NCALD: variants seen among roughly 807,000 people sequenced by gnomAD.
The protein encoded by NCALD is neurocalcin-delta.
A neutral mutation model predicts 18.6 loss-of-function variants in NCALD; 10 were observed. The observed-to-expected ratio is 0.54, with a 90% CI of 0.33 to 0.91. The LOEUF (loss-of-function observed/expected upper bound fraction) is 0.91, where lower values mean the gene tolerates loss of function less well. Ranked by LOEUF, NCALD falls within the 40% of genes least tolerant of loss-of-function variation. The probability of loss-of-function intolerance (pLI) is 0.03; values close to 1 mark genes in which losing one functional copy is unlikely to be tolerated. For missense variants in NCALD, 184 were observed against 247.6 expected, an observed-to-expected ratio of 0.74 and a Z score of 1.72; for synonymous variants, 88 against 87.4, an observed-to-expected ratio of 1.01 and a Z score of -0.04.
intron 1 of NCALD, among the ~76,000 whole-genome samples, chr8:102,073,035 T>G (rs1460625617): frequency 3.9e-5 from 6 of 152,354 alleles, no homozygotes; most frequent in South Asian, 2.1e-4. Flanking sequence ...TAAATATGTA[T>G]GTAGAAAGAT....
intron 1 of NCALD, among the ~76,000 whole-genome samples, chr8:102,115,592 G>A (rs115204635): frequency 0.024 from 3,582 of 152,242 alleles, 155 homozygotes; most frequent in African/African-American, 0.082. Context: ...TGCCTTATGT[G>A]CCCGATGTAC....
chr8:101,934,745 C>T (rs1458986226), intron 2 of NCALD, among the ~76,000 whole-genome samples: 2 of 152,072 alleles, frequency 1.3e-5, no homozygotes, highest in African/African-American at 4.8e-5. Flanking sequence ...GCGTGCTGCA[C>T]TTTCAAGTAC....
At chr8:101,989,597 A>G (rs778315449) in intron 2 of NCALD, among the ~76,000 whole-genome samples, 1 of 152,210 alleles carries the variant, frequency 6.6e-6, no homozygotes, top group Non-Finnish European at 1.5e-5. Flanking sequence ...CTAATCCTGG[A>G]GCTGTCCATA....
At chr8:101,742,417 C>T (rs1209026008) in intron 1 of NCALD, among the ~76,000 whole-genome samples, 5 of 152,140 alleles carry the variant, frequency 3.3e-5, no homozygotes, top group Admixed American at 2.6e-4. Flanking sequence ...ATACAGAGCA[C>T]TATGCTAATC....
intron 3 of NCALD, among the ~76,000 whole-genome samples, chr8:101,911,609 G>A (rs1008102053): frequency 6.6e-6 from 1 of 151,938 alleles, no homozygotes; most frequent in South Asian, 2.1e-4. Context: ...CTGCCACCTC[G>A]GCCTCCCAAA....
At chr8:101,927,887 C>A (rs1458500319) in intron 2 of NCALD, among the ~76,000 whole-genome samples, 1 of 152,132 alleles carries the variant, frequency 6.6e-6, no homozygotes, top group East Asian at 1.9e-4. Context: ...ATTCTCAGTG[C>A]AACCTGTTCT....
chr8:102,008,917 T>A (rs920621471), intron 2 of NCALD, among the ~76,000 whole-genome samples: 4 of 38,538 alleles, frequency 1.0e-4, no homozygotes, highest in African/African-American at 1.3e-4. Context: ...CCCGCCCCCC[T>A]ACACACACAC....
intron 1 of NCALD, among the ~76,000 whole-genome samples, chr8:102,117,132 C>A (rs1340600088): frequency 2.0e-5 from 3 of 152,216 alleles, no homozygotes; most frequent in African/African-American, 7.2e-5. Context: ...AGACTTCTAG[C>A]CTCCGGAGCC....
intron 2 of NCALD, among the ~76,000 whole-genome samples, chr8:101,946,070 C>G (rs1035572635): frequency 6.6e-6 from 1 of 152,084 alleles, no homozygotes; most frequent in Admixed American, 6.6e-5. Flanking sequence ...GAAAATCTGC[C>G]TTTTACTTTC....
intron 4 of NCALD, among the ~76,000 whole-genome samples, chr8:101,829,700 G>C (rs1442893565): frequency 6.6e-6 from 1 of 152,178 alleles, no homozygotes; most frequent in African/African-American, 2.4e-5. Flanking sequence ...TAGTTTTTTA[G>C]GTTCTGAATT....
rs1235638501 is a variant in NCALD, at chr8:102,069,795, TATA to T, written c.-209-49509_-209-49507del. ...CAGAAGCAGATTTCCAAACAGGATA[TATA>T]ATATTTTTTTAAGTTTGGAAAGTAA... On this transcript the variant is annotated intron_variant, in intron 1 of 6. Coordinates refer to the NCALD transcript ENST00000311028. 4.8e-4 allele frequency among the ~76,000 whole-genome samples: 73 copies of T among 152,198 alleles called. 2 individuals carry two copies. Among genetic ancestry groups the T allele is most frequent in the Non-Finnish European group, 1.8e-4 (12 of 68,030 alleles).
At chr8:101,853,689 G>A (rs952707036) in intron 4 of NCALD, among the ~76,000 whole-genome samples, 23 of 152,164 alleles carry the variant, frequency 1.5e-4, no homozygotes, top group Non-Finnish European at 2.9e-5. Flanking sequence ...GGGTGGGGGA[G>A]TCCAGTGGAA....
chr8:101,710,834 G>A (rs981942573), intron 2 of NCALD, among the ~76,000 whole-genome samples: 1 of 152,240 alleles, frequency 6.6e-6, no homozygotes, highest in African/African-American at 2.4e-5. Context: ...AGCTGTGGGT[G>A]CAGCTTCAGC....
At chr8:102,084,563 G>T (rs1209718312) in intron 1 of NCALD, among the ~76,000 whole-genome samples, 1 of 152,192 alleles carries the variant, frequency 6.6e-6, no homozygotes, top group African/African-American at 2.4e-5. Flanking sequence ...TCCCTTGATG[G>T]GGTGTTGTCT....
rs561837731 is a variant in NCALD, at chr8:101,852,159, C to T, written c.-20+34982G>A. The stretch of plus-strand genomic sequence containing the variant: ...TTACCCAGTCTAAGGGATTTTGTTA[C>T]GGCAGCCTGAATGGACTGAGACACT... On this transcript the variant is annotated intron_variant, in intron 4 of 6. Transcript: ENST00000311028. Among the ~76,000 whole-genome samples the T allele has an allele frequency of 2.2e-3, 341 of 152,244 alleles. 6 individuals carry two copies. The highest frequency in any genetic ancestry group is 3.2e-3 in the Non-Finnish European group (220 of 68,010).
At chr8:101,872,613 A>C (rs1210811190) in intron 4 of NCALD, 2 of 493,514 alleles carry the variant, frequency 4.1e-6, no homozygotes, top group East Asian at 3.8e-5. Flanking sequence ...ACATGTTTAC[A>C]ATTTAAATTT....
At chr8:101,826,798 C>T (rs1345715979) in intron 4 of NCALD, among the ~76,000 whole-genome samples, 1 of 152,150 alleles carries the variant, frequency 6.6e-6, no homozygotes, top group African/African-American at 2.4e-5. Flanking sequence ...AGGATATTTC[C>T]TACCAGAGAG....
rs187038898 is a variant in NCALD, at chr8:102,054,761, A to C, written c.-209-34472T>G. The stretch of plus-strand genomic sequence containing the variant: ...GATAGATCTATAGGATGATAGATAT[A>C]TATTGATAGATGATAGATGATAGAT... On this transcript the variant is annotated intron_variant, in intron 1 of 6. Coordinates refer to the NCALD transcript ENST00000311028. Among the ~76,000 whole-genome samples the C allele has an allele frequency of 1.9e-3, 294 of 152,264 alleles. 2 individuals carry two copies. The highest frequency in any genetic ancestry group is 2.0e-3 in the Non-Finnish European group (139 of 68,016).
At chr8:102,081,578 C>CAAA (rs1247627052) in intron 1 of NCALD, among the ~76,000 whole-genome samples, 1 of 58,636 alleles carries the variant, frequency 1.7e-5, no homozygotes, top group African/African-American at 2.0e-4. Flanking sequence ...AAAAAAAAAC[C>CAAA]CCAAAAAAAA....
Sources: allele counts gnomAD v4.1 joint callset (sites outside exome capture counted in the v4.1 genomes callset), GRCh38; gene constraint gnomAD v4.1.1; transcripts MANE v1.5; gene names NCBI Gene and HGNC (gene_info 2026-07-23, HGNC 2026-07-21).